GLI3: variants seen among roughly 807,000 people sequenced by gnomAD.
The protein encoded by GLI3 is GLI family zinc finger 3.
Under a neutral mutation model 100.8 loss-of-function variants are expected in GLI3, and 20 were observed. The ratio of observed to expected loss-of-function variants is 0.20; its 90% CI spans 0.14 to 0.29. The LOEUF (loss-of-function observed/expected upper bound fraction) is 0.29, where lower values mean the gene tolerates loss of function less well. GLI3 is among the 10% of genes least tolerant of loss of function. GLI3 has a pLI of 1.00. For synonymous variants in GLI3, 938 were observed against 860.5 expected (o/e 1.09, Z -1.58); for missense variants, 2,040 against 2,128.5 (o/e 0.96, Z 0.82).
intron 2 of GLI3, among the ~76,000 whole-genome samples, chr7:42,165,198 A>T (rs1787216793): frequency 6.6e-6 from 1 of 151,920 alleles, no homozygotes; most frequent in Non-Finnish European, 1.5e-5. Context: ...AAAAAGAAAA[A>T]ACAAATCACT....
intron 2 of GLI3, among the ~76,000 whole-genome samples, chr7:42,181,363 G>A (rs146245348): frequency 5.3e-4 from 81 of 152,316 alleles, no homozygotes; most frequent in African/African-American, 1.9e-3. Context: ...CACTTTGGGA[G>A]GATGAGGTGG....
chr7:42,023,892 C>T (rs1452436368), intron 9 of GLI3, among the ~76,000 whole-genome samples: 1 of 151,606 alleles, frequency 6.6e-6, no homozygotes, highest in Non-Finnish European at 1.5e-5. Context: ...AAAATAAACC[C>T]AAATGTCATC....
intron 3 of GLI3, 68 bp from the exon 4 acceptor site, chr7:42,076,925 C>T (rs1392716657): frequency 1.1e-6 from 1 of 903,622 alleles, no homozygotes. Context: ...ATTCACAAAG[C>T]AACATTGCTA....
At position 41,964,885 on chromosome 7, in the gene GLI3, A is replaced by T. The variant is rs931573616; in HGVS notation, c.4188T>A (p.Ala1396=). ...CASFGGSRRQ[A]MPRDSLALQS... ...GCAGAGCAAGGCTGTCCCTCGGCAT[A>T]GCCTGGCGCCTGCTGCCCCCAAAGC... The change falls in exon 15 of 15, where the codon GCT becomes GCA. Residue 1396 remains alanine, a synonymous_variant. Transcript: ENST00000395925. 5 of 1,613,732 alleles carry T rather than the reference A, an allele frequency of 3.1e-6. No individual in the cohort carries two copies. In the African/African-American group the frequency reaches 5.3e-5, roughly 17 times the overall value.
At chr7:42,253,869 A>T (rs989182692) in intron 1 of GLI3, among the ~76,000 whole-genome samples, 1 of 152,090 alleles carries the variant, frequency 6.6e-6, no homozygotes, top group Admixed American at 6.6e-5. Flanking sequence ...TTACCCTCCA[A>T]GTCTTTTTTT....
chr7:42,112,437 A>T (rs1321671158), intron 3 of GLI3, among the ~76,000 whole-genome samples: 1 of 152,198 alleles, frequency 6.6e-6, no homozygotes, highest in Non-Finnish European at 1.5e-5. Flanking sequence ...ACAGTGAACA[A>T]TAACTTATTA....
chr7:42,183,344 C>T (rs1170494936), intron 2 of GLI3, among the ~76,000 whole-genome samples: 2 of 152,200 alleles, frequency 1.3e-5, no homozygotes, highest in African/African-American at 4.8e-5. Context: ...GCAAACAGCA[C>T]AAGGACAGGT....
At chr7:42,165,125 A>G (rs1182062252) in intron 2 of GLI3, among the ~76,000 whole-genome samples, 2 of 151,530 alleles carry the variant, frequency 1.3e-5, no homozygotes, top group East Asian at 3.9e-4. Flanking sequence ...AAATACAAAA[A>G]TTAGCCAGGC....
intron 12 of GLI3, among the ~76,000 whole-genome samples, chr7:41,973,065 AAAGT>A (rs1343034167): frequency 6.6e-6 from 1 of 152,234 alleles, no homozygotes; most frequent in Non-Finnish European, 1.5e-5. Flanking sequence ...ATTGTGTGAC[AAAGT>A]TTTTTATGGA....
chr7:42,062,307 T>C lies in GLI3; in HGVS notation c.474-13611A>G, dbSNP rs141679384. Reference sequence around the variant, plus strand: ...AGTCTGTTGCTTGAATACACTTTTGTTTAAAATTTAGTGACCCATCACTTG... The same window carrying C: ...AGTCTGTTGCTTGAATACACTTTTGCTTAAAATTTAGTGACCCATCACTTG... On this transcript the variant is annotated intron_variant, in intron 4 of 14. Transcript: ENST00000395925. Among the ~76,000 whole-genome samples, 82 of 152,312 alleles carry C rather than the reference T, an allele frequency of 5.4e-4. No individual in the cohort carries two copies. In the East Asian group the frequency reaches 0.013, roughly 24 times the overall value.
At chr7:42,022,785 G>A (rs1042362293) in intron 10 of GLI3, among the ~76,000 whole-genome samples, 7 of 152,192 alleles carry the variant, frequency 4.6e-5, no homozygotes, top group African/African-American at 1.4e-4. Flanking sequence ...TGGGGAGAAG[G>A]CTTTGTGCAC....
At chr7:41,988,740 C>T (rs1253146141) in intron 10 of GLI3, among the ~76,000 whole-genome samples, 4 of 152,138 alleles carry the variant, frequency 2.6e-5, no homozygotes, top group African/African-American at 7.2e-5. Context: ...ATTTTGTTAT[C>T]GCAACAGAAA....
chr7:42,026,321 A>C lies in GLI3; in HGVS notation c.1120T>G (p.Phe374Val), dbSNP rs777494598. 1.9e-6 allele frequency: 3 copies of C among 1,614,162 alleles called. No homozygotes were observed. The highest frequency in any genetic ancestry group is 1.7e-6 in the Non-Finnish European group (2 of 1,180,002). Residue 374 changes from phenylalanine to valine, a missense_variant, in exon 8 of 15, where the codon TTT becomes GTT. By Grantham distance (50) the Phe-to-Val change is conservative. Coordinates refer to ENST00000395925, the MANE Select transcript of GLI3 (RefSeq NM_000168.6). ...TGGATGAGTGGAGGGCTGTGTCCAA[A>C]GGCTGAACCTAAGCTCTGTTGTCGG... ...LSRQQSLGSA[F>V]GHSPPLIHPA...
chr7:42,084,901 C>CT (rs747166719), intron 3 of GLI3, among the ~76,000 whole-genome samples: 1,190 of 47,544 alleles, frequency 0.025, 163 homozygotes, highest in African/African-American at 0.077. Context: ...CATTTGGATT[C>CT]TTTTTTTTTT....
chr7:42,175,694 A>G (rs555822758), intron 2 of GLI3, among the ~76,000 whole-genome samples: 1 of 152,294 alleles, frequency 6.6e-6, no homozygotes, highest in Middle Eastern at 3.4e-3. Context: ...ACAAACTTAT[A>G]TAAAAAGCAT....
intron 2 of GLI3, among the ~76,000 whole-genome samples, chr7:42,199,686 A>T (rs561865617): frequency 1.1e-4 from 17 of 152,334 alleles, no homozygotes; most frequent in Non-Finnish European, 2.2e-4. Context: ...TGAGGGCAGG[A>T]GCCATGTCCT....
chr7:42,048,823 G>T, intron 4 of GLI3, 127 bp from the exon 5 acceptor site: 1 of 719,178 alleles, frequency 1.4e-6, no homozygotes, highest in South Asian at 1.5e-5. Flanking sequence ...GGAAAAAACT[G>T]CAGGCAAATA....
intron 4 of GLI3, among the ~76,000 whole-genome samples, chr7:42,064,148 A>T (rs1237631129): frequency 6.6e-6 from 1 of 152,184 alleles, no homozygotes; most frequent in Non-Finnish European, 1.5e-5. Context: ...AAGACTTTTC[A>T]GCAGAGCTTC....
At chr7:42,245,574 G>C (rs1788962221) in intron 1 of GLI3, among the ~76,000 whole-genome samples, 1 of 152,104 alleles carries the variant, frequency 6.6e-6, no homozygotes, top group Non-Finnish European at 1.5e-5. Context: ...CCAGCTACTA[G>C]GGAGGCTGAG....
Sources: allele counts gnomAD v4.1 joint callset (sites outside exome capture counted in the v4.1 genomes callset), GRCh38; gene constraint gnomAD v4.1.1; transcripts MANE v1.5; gene names NCBI Gene and HGNC (gene_info 2026-07-23, HGNC 2026-07-21).